FGF14: variants seen among roughly 807,000 people sequenced by gnomAD.
The protein encoded by FGF14 is fibroblast growth factor homologous factor 4.
Under a neutral mutation model 25.5 loss-of-function variants are expected in FGF14, and 5 were observed. The observed-to-expected ratio is 0.20, with a 90% CI of 0.10 to 0.41. The LOEUF (loss-of-function observed/expected upper bound fraction) is 0.41, where lower values mean the gene tolerates loss of function less well. Ranked by LOEUF, FGF14 falls within the 10% of genes least tolerant of loss-of-function variation. FGF14 has a pLI of 1.00. For missense variants in FGF14, 222 were observed against 320.1 expected, an observed-to-expected ratio of 0.69 and a Z score of 2.34; for synonymous variants, 138 against 118.3, an observed-to-expected ratio of 1.17 and a Z score of -1.08.
At chr13:101,728,761 T>C (rs2035609720) in intron 3 of FGF14, among the ~76,000 whole-genome samples, 1 of 152,122 alleles carries the variant, frequency 6.6e-6, no homozygotes, top group African/African-American at 2.4e-5. Flanking sequence ...GTGGGTCACT[T>C]AGTGGAAGTC....
At chr13:101,988,350 C>T (rs1403108892) in intron 1 of FGF14, among the ~76,000 whole-genome samples, 1 of 151,956 alleles carries the variant, frequency 6.6e-6, no homozygotes, top group Non-Finnish European at 1.5e-5. Context: ...AACTGGCTAG[C>T]ACCATGGATA....
intron 1 of FGF14, among the ~76,000 whole-genome samples, chr13:102,031,609 T>A (rs1301165263): frequency 6.6e-6 from 1 of 152,024 alleles, no homozygotes; most frequent in African/African-American, 2.4e-5. Flanking sequence ...CTATATTTTC[T>A]TATTTGATTG....
chr13:101,827,443 T>G (rs2042442392), intron 3 of FGF14, among the ~76,000 whole-genome samples: 1 of 151,904 alleles, frequency 6.6e-6, no homozygotes, highest in Non-Finnish European at 1.5e-5. Context: ...ATATTTGTAT[T>G]TTAAAGTATA....
At chr13:102,384,858 T>C (rs1800808050) in intron 1 of FGF14, among the ~76,000 whole-genome samples, 1 of 152,194 alleles carries the variant, frequency 6.6e-6, no homozygotes. Context: ...GCTTACAAAG[T>C]ATCTAAAGGA....
intron 1 of FGF14, among the ~76,000 whole-genome samples, chr13:102,192,344 T>C (rs1476580014): frequency 1.3e-5 from 2 of 152,226 alleles, no homozygotes; most frequent in Non-Finnish European, 2.9e-5. Context: ...AATTGATCTC[T>C]ATTCCTGGCC....
At chr13:101,855,052 G>GCA (rs201471949) in intron 3 of FGF14, among the ~76,000 whole-genome samples, 6 of 151,558 alleles carry the variant, frequency 4.0e-5, no homozygotes, top group South Asian at 2.1e-4. Flanking sequence ...GTACACAAAT[G>GCA]CACACACACA....
intron 3 of FGF14, among the ~76,000 whole-genome samples, chr13:101,769,149 C>T (rs903247800): frequency 7.9e-5 from 12 of 151,968 alleles, no homozygotes; most frequent in African/African-American, 2.7e-4. Context: ...GACCAAAGAC[C>T]TTAACAGATA....
At chr13:102,389,614 T>C (rs779144516) in intron 1 of FGF14, among the ~76,000 whole-genome samples, 37 of 152,210 alleles carry the variant, frequency 2.4e-4, no homozygotes, top group Non-Finnish European at 5.0e-4. Flanking sequence ...GACAGATTTG[T>C]TTCCTGACCA....
At chr13:102,306,837 T>C (rs1236928638) in intron 1 of FGF14, among the ~76,000 whole-genome samples, 1 of 152,166 alleles carries the variant, frequency 6.6e-6, no homozygotes, top group Non-Finnish European at 1.5e-5. Flanking sequence ...TTTCACATTC[T>C]AACTTGTATG....
At chr13:101,935,599 T>G (rs563765823) in intron 1 of FGF14, among the ~76,000 whole-genome samples, 124 of 152,340 alleles carry the variant, frequency 8.1e-4, no homozygotes, top group African/African-American at 2.8e-3. Flanking sequence ...CCTGCTGCCC[T>G]GTGAAGAGGT....
chr13:101,769,647 C>G (rs1221545382), intron 3 of FGF14, among the ~76,000 whole-genome samples: 2 of 151,984 alleles, frequency 1.3e-5, no homozygotes, highest in Non-Finnish European at 1.5e-5. Context: ...AGCTGTCAAT[C>G]CATGAACAGA....
intron 1 of FGF14, among the ~76,000 whole-genome samples, chr13:102,247,219 G>T (rs1218623709): frequency 6.6e-6 from 1 of 152,000 alleles, no homozygotes; most frequent in African/African-American, 2.4e-5. Flanking sequence ...CTCAACAAAA[G>T]CAAACCTTGA....
chr13:102,062,896 C>T (rs2042749683), intron 1 of FGF14, among the ~76,000 whole-genome samples: 1 of 152,268 alleles, frequency 6.6e-6, no homozygotes, highest in African/African-American at 2.4e-5. Context: ...CAAGGTGTTG[C>T]TTAAAACCAA....
At chr13:102,377,817 CA>C (rs1303746041) in intron 1 of FGF14, among the ~76,000 whole-genome samples, 2 of 151,976 alleles carry the variant, frequency 1.3e-5, no homozygotes, top group African/African-American at 4.8e-5. Context: ...TCAACAACAA[CA>C]AAAAAATTCT....
intron 3 of FGF14, among the ~76,000 whole-genome samples, chr13:101,837,174 G>A (rs933697451): frequency 6.6e-6 from 1 of 151,914 alleles, no homozygotes; most frequent in African/African-American, 2.4e-5. Flanking sequence ...CTATATGTGT[G>A]TGTGTGTGTA....
chr13:102,082,414 A>T (rs2043668721), intron 1 of FGF14, among the ~76,000 whole-genome samples: 3 of 152,332 alleles, frequency 2.0e-5, no homozygotes, highest in African/African-American at 7.2e-5. Context: ...AATGACTTTA[A>T]TCCATCTTCC....
intron 3 of FGF14, among the ~76,000 whole-genome samples, chr13:101,824,619 T>C (rs2042314846): frequency 6.6e-6 from 1 of 152,174 alleles, no homozygotes; most frequent in Non-Finnish European, 1.5e-5. Flanking sequence ...GGCACACAGC[T>C]CCTAAAACCC....
intron 3 of FGF14, among the ~76,000 whole-genome samples, chr13:101,853,227 G>C (rs1183526711): frequency 6.6e-6 from 1 of 151,972 alleles, no homozygotes. Flanking sequence ...CTATTTCCAA[G>C]ACAACCTTTC....
chr13:102,233,979 A>G (rs1441939770), intron 1 of FGF14, among the ~76,000 whole-genome samples: 1 of 152,224 alleles, frequency 6.6e-6, no homozygotes, highest in Non-Finnish European at 1.5e-5. Flanking sequence ...TCCACCTTAC[A>G]TGAGGTATCT....
Sources: allele counts gnomAD v4.1 joint callset (sites outside exome capture counted in the v4.1 genomes callset), GRCh38; gene constraint gnomAD v4.1.1; transcripts MANE v1.5; gene names NCBI Gene and HGNC (gene_info 2026-07-23, HGNC 2026-07-21).